TXNDC15: variants seen among roughly 807,000 people sequenced by gnomAD.
TXNDC15 encodes the protein thioredoxin domain containing 15.
TXNDC15 carries 24 observed loss-of-function variants against 35.0 expected under a neutral mutation model. That is an observed-to-expected ratio of 0.68 (90% CI 0.50 to 0.96). The LOEUF is 0.96. Among genes scored for constraint, TXNDC15 ranks in the 40% least tolerant of loss-of-function variants. The pLI is 0.00. For missense variants in TXNDC15, 385 were observed against 453.3 expected (o/e 0.85, Z 1.37); for synonymous variants, 169 against 174.0 (o/e 0.97, Z 0.23).
intron 4 of TXNDC15, among the ~76,000 whole-genome samples, chr5:134,898,061 G>T (rs1350779548): frequency 2.0e-5 from 3 of 151,564 alleles, no homozygotes; most frequent in Non-Finnish European, 4.4e-5. Flanking sequence ...CCTCCCTTCA[G>T]CACCACTGCT....
chr5:134,887,878 T>C lies in TXNDC15; in HGVS notation c.287T>C (p.Val96Ala). ...TQGDHMVMLSVIPGEAEDKVS... is the reference protein window; with the variant it reads ...TQGDHMVMLSAIPGEAEDKVS... ...GGCGATCACATGGTGATGCTGTCTG[T>C]GATTCCTGGGGAAGCTGAGGACAAA... is the stretch of plus-strand genomic sequence containing the variant. Residue 96 changes from valine to alanine, a missense_variant, in exon 2 of 5, where the codon GTG becomes GCG. Coordinates refer to ENST00000358387, the MANE Select transcript of TXNDC15 (RefSeq NM_024715.4). The C allele has an allele frequency of 6.2e-7, 1 of 1,614,210 alleles. No homozygotes were observed. The highest frequency in any genetic ancestry group is 8.5e-7 in the Non-Finnish European group (1 of 1,180,046).
intron 1 of TXNDC15, among the ~76,000 whole-genome samples, chr5:134,882,117 T>C (rs1421288433): frequency 7.0e-6 from 1 of 143,528 alleles, no homozygotes; most frequent in Non-Finnish European, 1.5e-5. Context: ...GAGGGTCTCC[T>C]CACTTCTCAG....
Position 134,901,063 on chromosome 5 carries a change from C to A in TXNDC15, c.*1378C>A, listed in dbSNP as rs1207412138. ...TCAGCCTCCCAAAGTGTTGGGATTA[C>A]AGGTGTGAGCCACTGCGCCTGGCCT... On this transcript the variant is annotated 3_prime_UTR_variant, in exon 5 of 5. Transcript: ENST00000358387. 1 of 152,226 alleles carries A rather than the reference C, an allele frequency of 6.6e-6. No homozygotes were observed. The highest frequency in any genetic ancestry group is 2.4e-5 in the African/African-American group (1 of 41,462). The allele number at this position is 152,226 out of a possible 1,614,324, so 9.4% of individuals were successfully genotyped here.
intron 1 of TXNDC15, among the ~76,000 whole-genome samples, chr5:134,882,398 A>T (rs1396631527): frequency 2.0e-5 from 3 of 149,092 alleles, no homozygotes; most frequent in East Asian, 2.0e-4. Context: ...ATCCCAGACA[A>T]TGGGCGGCCA....
In TXNDC15 at chr5:134,896,437, A is replaced by C; in HGVS notation, c.886+13A>C. 2 of 1,612,860 alleles carry C rather than the reference A, an allele frequency of 1.2e-6. No homozygotes were observed. Among genetic ancestry groups the C allele is most frequent in the Non-Finnish European group, 1.7e-6 (2 of 1,179,500 alleles). On this transcript the variant is annotated intron_variant, in intron 4 of 4. Transcript: ENST00000358387. ...TTTAATCAGACAGGTATGTGGAAGT[A>C]ATGTGCTGAGGAAGAAGATATTCTA... is the stretch of plus-strand genomic sequence containing the variant.
chr5:134,875,396 G>A (rs986861000), intron 1 of TXNDC15: 1 of 456,198 alleles, frequency 2.2e-6, no homozygotes, highest in Non-Finnish European at 4.4e-6. Flanking sequence ...GTGGAGAAGG[G>A]TGAGTCATAG....
Position 134,887,895 on chromosome 5 carries a change from G to C in TXNDC15, c.304G>C (p.Glu102Gln), listed in dbSNP as rs1580863801. 4 of 1,614,206 alleles carry C rather than the reference G, an allele frequency of 2.5e-6. No individual in the cohort carries two copies. The highest frequency in any genetic ancestry group is 3.4e-6 in the Non-Finnish European group (4 of 1,180,040). Reference sequence around the variant, plus strand: ...GCTGTCTGTGATTCCTGGGGAAGCTGAGGACAAAGTGAGTTCAGAGCCTAG... The same window carrying C: ...GCTGTCTGTGATTCCTGGGGAAGCTCAGGACAAAGTGAGTTCAGAGCCTAG... ...VMLSVIPGEA[E>Q]DKVSSEPSGV... The change falls in exon 2 of 5, where the codon GAG becomes CAG. Residue 102 changes from glutamate to glutamine, a missense_variant. Physicochemically the swap from Glu to Gln is conservative, Grantham distance 29. Coordinates refer to ENST00000358387, the MANE Select transcript of TXNDC15 (RefSeq NM_024715.4).
intron 4 of TXNDC15, among the ~76,000 whole-genome samples, chr5:134,897,153 C>T (rs931617383): frequency 5.2e-4 from 77 of 148,548 alleles, no homozygotes; most frequent in African/African-American, 1.8e-3. Flanking sequence ...AGGCTGGTCT[C>T]GATCTCCTGG....
chr5:134,889,308 T>C (rs1256318827), intron 2 of TXNDC15, among the ~76,000 whole-genome samples: 1 of 152,232 alleles, frequency 6.6e-6, no homozygotes, highest in Non-Finnish European at 1.5e-5. Flanking sequence ...CACTGCAACC[T>C]CTGCCTCCCG....
In TXNDC15 at chr5:134,887,886, G is replaced by A; in HGVS notation, c.295G>A (p.Gly99Arg). The A allele has an allele frequency of 6.2e-7, 1 of 1,614,196 alleles. No individual in the cohort carries two copies. Among genetic ancestry groups the A allele is most frequent in the Non-Finnish European group, 8.5e-7 (1 of 1,180,042 alleles). The change falls in exon 2 of 5, where the codon GGG becomes AGG. Residue 99 changes from glycine (G) to arginine (R), a missense_variant. By Grantham distance (125) the Gly-to-Arg change is moderately radical. Transcript: ENST00000358387. ...DHMVMLSVIP[G>R]EAEDKVSSEP... ...CATGGTGATGCTGTCTGTGATTCCT[G>A]GGGAAGCTGAGGACAAAGTGAGTTC...
At chr5:134,895,923 G>C (rs555174035) in intron 3 of TXNDC15, 2 of 192,520 alleles carry the variant, frequency 1.0e-5, no homozygotes, top group Non-Finnish European at 2.1e-5. Context: ...TGAGGGACAG[G>C]GATGGGCATT....
chr5:134,882,554 T>C (rs6887622), intron 1 of TXNDC15, among the ~76,000 whole-genome samples: 4,329 of 152,218 alleles, frequency 0.028, 198 homozygotes, highest in African/African-American at 0.099. Context: ...CTGGGCACCA[T>C]TGAGCACTGA....
rs1413770436 is a variant in TXNDC15 at position 134,900,962 on chromosome 5, AT to A, written c.*1282del. The A allele has an allele frequency of 6.6e-6, 1 of 151,770 alleles. No individual in the cohort carries two copies. Among genetic ancestry groups the A allele is most frequent in the Non-Finnish European group, 1.5e-5 (1 of 67,996 alleles). 9.4% of individuals were successfully genotyped at this position (151,770 alleles called of 1,614,324 possible). On this transcript the variant is annotated 3_prime_UTR_variant, in exon 5 of 5. Transcript: ENST00000358387. ...GCCATCACACCCAGCTAATTTTTCT[AT>A]TTTTAGTAGAGATGGGGTTTTGCCA...
intron 4 of TXNDC15, 34 bp downstream of exon 4, chr5:134,896,458 T>G (rs753046812): frequency 5.0e-6 from 8 of 1,610,802 alleles, no homozygotes; most frequent in Non-Finnish European, 6.8e-6. Context: ...GAAGAAGATA[T>G]TCTATTGCTG....
chr5:134,888,271 A>G, intron 2 of TXNDC15, 89 bp downstream of exon 2: 1 of 1,293,762 alleles, frequency 7.7e-7, no homozygotes, highest in Non-Finnish European at 1.1e-6. Context: ...GAAAATCATG[A>G]TCTTGATCAT....
At chr5:134,885,834 G>A (rs967591321) in intron 1 of TXNDC15, among the ~76,000 whole-genome samples, 7 of 151,070 alleles carry the variant, frequency 4.6e-5, no homozygotes, top group Non-Finnish European at 1.0e-4. Flanking sequence ...TGAAACTGTT[G>A]TTTTATATAT....
In TXNDC15 at chr5:134,878,877, T is replaced by G. The variant is rs190387162; in HGVS notation, c.103+4347T>G. Among the ~76,000 whole-genome samples the G allele has an allele frequency of 5.7e-3, 866 of 152,284 alleles. 9 individuals are homozygous for G. Among genetic ancestry groups the G allele is most frequent in the African/African-American group, 0.02 (812 of 41,570 alleles). ...AGCCAGGTGTGGTGGTGCGCATCTG[T>G]AATCCCAGCTATTTGGGAGGCTAAG... On this transcript the variant is annotated intron_variant, in intron 1 of 4. Transcript: ENST00000358387.
chr5:134,876,691 C>A (rs889418939), intron 1 of TXNDC15, among the ~76,000 whole-genome samples: 1 of 151,164 alleles, frequency 6.6e-6, no homozygotes, highest in South Asian at 2.1e-4. Context: ...GAAGAAACTT[C>A]ACCAGCTGAT....
chr5:134,882,013 G>A (rs1249280242), intron 1 of TXNDC15, among the ~76,000 whole-genome samples: 2 of 151,652 alleles, frequency 1.3e-5, no homozygotes, highest in Non-Finnish European at 1.5e-5. Context: ...CCCAGACGGG[G>A]TGGCTGCCGG....
Sources: gnomAD v4.1 joint callset for allele counts (sites outside exome capture counted in the v4.1 genomes callset) on GRCh38, gnomAD v4.1.1 for gene constraint, MANE v1.5 for transcripts, NCBI Gene and HGNC (gene_info 2026-07-23, HGNC 2026-07-21) for gene names.